The following MICAL3 variants were observed in gnomAD, a reference collection of about 807,000 sequenced individuals.
MICAL3 encodes the protein [F-actin]-monooxygenase MICAL3.
MICAL3 carries 62 observed loss-of-function variants against 207.4 expected under a neutral mutation model. The observed-to-expected ratio is 0.30, with a 90% CI of 0.24 to 0.37. MICAL3 has a LOEUF of 0.37. Among genes scored for constraint, MICAL3 ranks in the 10% least tolerant of loss-of-function variants. MICAL3 has a pLI of 1.00. For missense variants in MICAL3, 2,368 were observed against 2,635.6 expected, an observed-to-expected ratio of 0.90 and a Z score of 2.22; for synonymous variants, 1,077 against 1,069.3, an observed-to-expected ratio of 1.01 and a Z score of -0.14.
At chr22:17,829,966 T>C (rs1044534387) in intron 21 of MICAL3, among the ~76,000 whole-genome samples, 3 of 152,114 alleles carry the variant, frequency 2.0e-5, no homozygotes, top group Non-Finnish European at 4.4e-5. Flanking sequence ...CACAGTTCCA[T>C]AAAACACAGA....
chr22:17,984,356 T>C (rs1415260393), intron 1 of MICAL3, among the ~76,000 whole-genome samples: 14 of 152,198 alleles, frequency 9.2e-5, no homozygotes, highest in Admixed American at 9.2e-4. Context: ...CCATACAGTG[T>C]TTCACCTAAT....
At chr22:17,881,099 T>C (rs1274885134) in intron 16 of MICAL3, 2 of 962,466 alleles carry the variant, frequency 2.1e-6, no homozygotes, top group South Asian at 1.4e-5. Flanking sequence ...TTCTTCTTGA[T>C]AGTTATTGCT....
At chr22:17,842,988 G>A (rs1006513175) in intron 19 of MICAL3, among the ~76,000 whole-genome samples, 1 of 152,062 alleles carries the variant, frequency 6.6e-6, no homozygotes, top group African/African-American at 2.4e-5. Context: ...AGGCACGGTG[G>A]CGGGCGCCTG....
chr22:17,797,164 G>A (rs970581630), intron 29 of MICAL3, among the ~76,000 whole-genome samples: 1 of 152,204 alleles, frequency 6.6e-6, no homozygotes, highest in African/African-American at 2.4e-5. Context: ...TGAGACTGGG[G>A]AGCAGAGGCT....
At chr22:17,860,025 G>T in intron 19 of MICAL3, 2 of 217,236 alleles carry the variant, frequency 9.2e-6, no homozygotes, top group South Asian at 1.6e-4. Context: ...CACCTCTGCT[G>T]TCTTGCTGAC....
intron 1 of MICAL3, among the ~76,000 whole-genome samples, chr22:17,991,197 C>T (rs559363688): frequency 5.9e-5 from 9 of 152,172 alleles, no homozygotes; most frequent in African/African-American, 1.9e-4. Flanking sequence ...GATGACAGGC[C>T]TGGGAGGCTG....
intron 21 of MICAL3, among the ~76,000 whole-genome samples, chr22:17,830,312 G>T (rs1922669086): frequency 6.6e-6 from 1 of 152,238 alleles, no homozygotes; most frequent in Non-Finnish European, 1.5e-5. Context: ...ACAGGCTCCG[G>T]TCTGGGACTC....
intron 1 of MICAL3, among the ~76,000 whole-genome samples, chr22:17,958,846 G>A (rs887836022): frequency 7.3e-5 from 11 of 151,692 alleles, no homozygotes; most frequent in Admixed American, 2.6e-4. Context: ...TGAGATTAGA[G>A]GCGTCCGCCA....
chr22:17,843,854 T>TTG (rs1555987812), intron 19 of MICAL3, among the ~76,000 whole-genome samples: 1 of 150,342 alleles, frequency 6.7e-6, no homozygotes, highest in African/African-American at 2.4e-5. Context: ...TACCAGACAT[T>TTG]TTTTTTTTTT....
chr22:17,859,721 C>T (rs531854143), intron 19 of MICAL3, among the ~76,000 whole-genome samples: 3 of 152,302 alleles, frequency 2.0e-5, no homozygotes, highest in Admixed American at 1.3e-4. Flanking sequence ...AAGACAGACA[C>T]GCCCCTGGCC....
intron 1 of MICAL3, among the ~76,000 whole-genome samples, chr22:17,990,793 C>T (rs1245051852): frequency 6.6e-6 from 1 of 152,194 alleles, no homozygotes; most frequent in African/African-American, 2.4e-5. Flanking sequence ...TGAAGGCGAT[C>T]ATGCCATGAC....
rs759590520 is a variant in MICAL3, at chr22:17,906,695, C to G, written c.118G>C (p.Glu40Gln). Residue 40 changes from glutamate (E) to glutamine (Q), a missense_variant, in exon 2 of 32, where the codon GAA (glutamate) becomes CAA (glutamine). Transcript: ENST00000441493. The stretch of plus-strand genomic sequence containing the variant: ...GAGCGGTAGTCCTTTGGCTTTAGTT[C>G]CAGGTGGTCACAGAGCTCCTGGAAA... The part of the protein sequence containing the change: ...KAFQELCDHL[E>Q]LKPKDYRSFY... 3 of 1,613,934 alleles carry G rather than the reference C, an allele frequency of 1.9e-6. No individual in the cohort carries two copies. In the South Asian group the frequency reaches 3.3e-5, roughly 18 times the overall value.
rs1273501053 is a variant in MICAL3, at chr22:17,833,144, C to A, written c.2802-1037G>T. 2.7e-4 allele frequency among the ~76,000 whole-genome samples: 41 copies of A among 152,238 alleles called. 1 individual carries two copies. Among genetic ancestry groups the A allele is most frequent in the Admixed American group, 2.7e-3 (41 of 15,292 alleles). On this transcript the variant is annotated intron_variant, in intron 20 of 31. Coordinates refer to ENST00000441493, the MANE Select transcript of MICAL3 (RefSeq NM_015241.3). ...GCCACCCTCCTGCTGCAGTGTACCC[C>A]ACTCCTGCCCTGTGGAGGGAGGCAG... is the stretch of plus-strand genomic sequence containing the variant.
rs1400464351 is a variant in MICAL3 at position 17,790,181 on chromosome 22, A to G, written c.*551T>C. Reference sequence around the variant, plus strand: ...CCTGCGTCCTCCTAATTTGCATAATAATTCAGGAGCCTGCCCGCACCTCCA... The same window carrying G: ...CCTGCGTCCTCCTAATTTGCATAATGATTCAGGAGCCTGCCCGCACCTCCA... On this transcript the variant is annotated 3_prime_UTR_variant, in exon 32 of 32. Transcript: ENST00000441493. 1 of 152,666 alleles carries G rather than the reference A, an allele frequency of 6.6e-6. No homozygotes were observed. Among genetic ancestry groups the G allele is most frequent in the African/African-American group, 2.4e-5 (1 of 41,408 alleles). 9.5% of individuals were successfully genotyped at this position (152,666 alleles called of 1,614,324 possible).
intron 16 of MICAL3, chr22:17,879,273 C>A: frequency 7.4e-7 from 1 of 1,352,100 alleles, no homozygotes; most frequent in Non-Finnish European, 1.0e-6. Flanking sequence ...TCCCTTCCCG[C>A]TGCCCCACCA....
chr22:17,995,570 A>G (rs551352510), intron 1 of MICAL3, among the ~76,000 whole-genome samples: 6 of 130,306 alleles, frequency 4.6e-5, no homozygotes, highest in African/African-American at 1.8e-4. Flanking sequence ...CAGTGGTGCG[A>G]TCTCCGCTCA....
intron 2 of MICAL3, among the ~76,000 whole-genome samples, chr22:17,905,982 A>C (rs1176651642): frequency 6.6e-6 from 1 of 152,222 alleles, no homozygotes; most frequent in Non-Finnish European, 1.5e-5. Flanking sequence ...CCAAGTTCGC[A>C]AACAGTATAC....
chr22:17,967,484 A>ACACACACACACACC (rs1556491218), intron 1 of MICAL3, among the ~76,000 whole-genome samples: 2 of 133,788 alleles, frequency 1.5e-5, no homozygotes, highest in African/African-American at 6.2e-5. Context: ...ACACACACAC[A>ACACACACACACACC]CACACACACC....
chr22:17,877,356 G>C (rs1227617455), intron 16 of MICAL3, among the ~76,000 whole-genome samples: 6 of 112,870 alleles, frequency 5.3e-5, no homozygotes, highest in Admixed American at 1.8e-4. Context: ...GGTTAGGGAG[G>C]TTATGGAGGT....
Sources: gnomAD v4.1 joint callset for allele counts (sites outside exome capture counted in the v4.1 genomes callset) on GRCh38, gnomAD v4.1.1 for gene constraint, MANE v1.5 for transcripts, NCBI Gene and HGNC (gene_info 2026-07-23, HGNC 2026-07-21) for gene names.